BEAN1: variants seen among roughly 807,000 people sequenced by gnomAD.
BEAN1 encodes the protein brain expressed associated with NEDD4 1.
BEAN1 carries 17 observed loss-of-function variants against 17.7 expected under a neutral mutation model. That is an observed-to-expected ratio of 0.96 (90% CI 0.66 to 1.44). The LOEUF (loss-of-function observed/expected upper bound fraction) is 1.44, where lower values mean the gene tolerates loss of function less well. BEAN1 is among the 40% of genes most tolerant of loss of function. The pLI is 0.00. For synonymous variants in BEAN1, 142 were observed against 151.8 expected, an observed-to-expected ratio of 0.94 and a Z score of 0.47; for missense variants, 359 against 374.1, an observed-to-expected ratio of 0.96 and a Z score of 0.33.
At chr16:66,445,433 A>G (rs945151020) in intron 2 of BEAN1, among the ~76,000 whole-genome samples, 1 of 134,224 alleles carries the variant, frequency 7.5e-6, no homozygotes, top group South Asian at 2.5e-4. Flanking sequence ...CCGAGATCAC[A>G]CCACTGCACT....
At chr16:66,445,231 C>T (rs1962399620) in intron 2 of BEAN1, among the ~76,000 whole-genome samples, 1 of 151,644 alleles carries the variant, frequency 6.6e-6, no homozygotes. Flanking sequence ...AATCCCAGCA[C>T]TTTTGGAGGC....
At chr16:66,448,682 G>A (rs1407340822) in intron 2 of BEAN1, among the ~76,000 whole-genome samples, 3 of 152,222 alleles carry the variant, frequency 2.0e-5, no homozygotes, top group Non-Finnish European at 4.4e-5. Flanking sequence ...AAGTAGCTGG[G>A]TGTGGTGGCG....
chr16:66,484,540 C>A (rs773819697), downstream of BEAN1: 36 of 452,656 alleles, frequency 8.0e-5, no homozygotes, highest in Admixed American at 9.4e-5. The surrounding 1 kb of genome is among the most constrained non-coding windows in gnomAD (Gnocchi z 4.2). Flanking sequence ...GGTACCTGGG[C>A]TCATCAGAGG....
At position 66,480,767 on chromosome 16, in the gene BEAN1, G is replaced by A. The variant is rs985945877; in HGVS notation, c.622G>A (p.Val208Ile). 2.6e-6 allele frequency: 4 copies of A among 1,551,190 alleles called. No individual in the cohort carries two copies. Among genetic ancestry groups the A allele is most frequent in the African/African-American group, 1.4e-5 (1 of 73,060 alleles). Residue 208 changes from valine to isoleucine, a missense_variant, in exon 5 of 5, where the codon GTC (valine) becomes ATC (isoleucine). Coordinates refer to ENST00000536005, the MANE Select transcript of BEAN1 (RefSeq NM_001178020.3). ...RTPAQGGLHT[V>I]SMDTLPPYEA... is the part of the protein sequence containing the mutation. ...CCCGGCCCAAGGTGGCCTTCACACG[G>A]TCTCCATGGACACCCTTCCCCCCTA...
chr16:66,493,047 C>G (rs189628750), exon 5 of BEAN1: 1 of 702,960 alleles, frequency 1.4e-6, no homozygotes, highest in Non-Finnish European at 2.6e-6. Flanking sequence ...CTGGGCTACA[C>G]GGCCACCTTG....
At chr16:66,432,825 C>T (rs1304397287) in intron 1 of BEAN1, among the ~76,000 whole-genome samples, 1 of 152,232 alleles carries the variant, frequency 6.6e-6, no homozygotes, top group Non-Finnish European at 1.5e-5. Flanking sequence ...AATCCTCTCT[C>T]CCCAGGTATC....
Position 66,480,253 on chromosome 16 carries a change from C to G in BEAN1, c.441-333C>G, listed in dbSNP as rs375845503. 1.2e-4 allele frequency among the ~76,000 whole-genome samples: 18 copies of G among 152,284 alleles called. 1 individual carries two copies. Among genetic ancestry groups the G allele is most frequent in the Middle Eastern group, 6.8e-3 (2 of 294 alleles). On this transcript the variant is annotated intron_variant, in intron 4 of 4. Transcript: ENST00000536005. ...GTAGCCTGAGGTTGGTCCTACCCAG[C>G]CTCTGCACACCCAGTGCGCTGCGGG... is the stretch of plus-strand genomic sequence containing the variant.
At chr16:66,485,032 G>C (rs1019370160), downstream of BEAN1, 3 of 454,018 alleles carry the variant, frequency 6.6e-6, no homozygotes, top group Non-Finnish European at 1.3e-5. Flanking sequence ...TGAGGTCCCA[G>C]GTCTCTGCAA....
intron 4 of BEAN1, among the ~76,000 whole-genome samples, chr16:66,487,863 C>G (rs1964110607): frequency 6.6e-6 from 1 of 152,190 alleles, no homozygotes; most frequent in South Asian, 2.1e-4. Context: ...TGCACTGTTC[C>G]CAAAGTCAGT....
At chr16:66,464,500 C>T (rs1432441507) in intron 2 of BEAN1, among the ~76,000 whole-genome samples, 1 of 152,058 alleles carries the variant, frequency 6.6e-6, no homozygotes, top group African/African-American at 2.4e-5. Flanking sequence ...GGCACCACGC[C>T]TGGCTAATTT....
Position 66,473,065 on chromosome 16 carries a change from A to T in BEAN1, c.289+3200A>T, listed in dbSNP as rs1457405587. Among the ~76,000 whole-genome samples the T allele has an allele frequency of 3.9e-5, 6 of 152,118 alleles. No individual in the cohort carries two copies. Among genetic ancestry groups the T allele is most frequent in the African/African-American group, 1.4e-4 (6 of 41,416 alleles). ...AAGACTGGGAAACTGAGGCACAAAG[A>T]AGCAACTTGTTCAATGACTTATCTT... On this transcript the variant is annotated intron_variant, in intron 3 of 4. Transcript: ENST00000536005. The surrounding 1 kb of genome is among the most constrained non-coding windows in gnomAD (Gnocchi z 4.5).
chr16:66,461,615 A>AAAC, intron 2 of BEAN1, among the ~76,000 whole-genome samples: 1 of 62,048 alleles, frequency 1.6e-5, no homozygotes, highest in South Asian at 5.0e-4. Flanking sequence ...CACACACACA[A>AAAC]ACGCACGCAC....
At chr16:66,460,461 C>T (rs557756444) in intron 2 of BEAN1, among the ~76,000 whole-genome samples, 1 of 152,362 alleles carries the variant, frequency 6.6e-6, no homozygotes, top group South Asian at 2.1e-4. Context: ...ATCTCTAGGA[C>T]ATACCCAGAG....
intron 2 of BEAN1, among the ~76,000 whole-genome samples, chr16:66,442,042 A>G (rs552717442): frequency 6.6e-6 from 1 of 152,374 alleles, no homozygotes; most frequent in East Asian, 1.9e-4. Context: ...AGGGGGAGGC[A>G]GTCAAACCCT....
At chr16:66,439,323 T>A (rs1962156094) in intron 2 of BEAN1, among the ~76,000 whole-genome samples, 1 of 152,144 alleles carries the variant, frequency 6.6e-6, no homozygotes, top group Admixed American at 6.5e-5. Context: ...AAAGCCTGAG[T>A]CCCAGGCCAG....
intron 1 of BEAN1, among the ~76,000 whole-genome samples, chr16:66,435,307 G>A (rs902890471): frequency 6.6e-6 from 1 of 152,128 alleles, no homozygotes; most frequent in African/African-American, 2.4e-5. Flanking sequence ...TTATTTCCCT[G>A]AGCCTGTTCT....
At chr16:66,454,563 C>CTA (rs1219069218) in intron 2 of BEAN1, among the ~76,000 whole-genome samples, 2 of 152,098 alleles carry the variant, frequency 1.3e-5, no homozygotes, top group African/African-American at 4.8e-5. Flanking sequence ...TGTTTGTATG[C>CTA]TATATCTCCT....
chr16:66,466,595 T>C (rs1437331379), intron 2 of BEAN1, among the ~76,000 whole-genome samples: 1 of 152,214 alleles, frequency 6.6e-6, no homozygotes, highest in African/African-American at 2.4e-5. Flanking sequence ...GATGGAGTTT[T>C]GCTCTTGTTG....
chr16:66,436,249 G>T (rs1401443821), intron 1 of BEAN1, among the ~76,000 whole-genome samples: 3 of 151,040 alleles, frequency 2.0e-5, no homozygotes, highest in African/African-American at 7.3e-5. Context: ...GGGAGAATGG[G>T]CTACTTTTTT....
Sources: allele counts gnomAD v4.1 joint callset (sites outside exome capture counted in the v4.1 genomes callset), GRCh38; gene constraint gnomAD v4.1.1; non-coding constraint Gnocchi (gnomAD v3.1); transcripts MANE v1.5; gene names NCBI Gene and HGNC (gene_info 2026-07-23, HGNC 2026-07-21).